The following CASS4 variants were observed in gnomAD, a reference collection of about 807,000 sequenced individuals.
CASS4 encodes cas scaffolding protein family member 4.
In CASS4, 22 loss-of-function variants were observed where a neutral mutation model predicts 54.2. The ratio of observed to expected loss-of-function variants is 0.41; its 90% CI spans 0.29 to 0.58. The LOEUF (loss-of-function observed/expected upper bound fraction) is 0.58. Among genes scored for constraint, CASS4 ranks in the 20% least tolerant of loss-of-function variants. The pLI is 0.36. For missense variants in CASS4, 854 were observed against 986.7 expected, an observed-to-expected ratio of 0.87 and a Z score of 1.80; for synonymous variants, 409 against 391.5, an observed-to-expected ratio of 1.04 and a Z score of -0.53.
chr20:56,456,995 C>G (rs1367788403), intron 5 of CASS4, among the ~76,000 whole-genome samples: 1 of 152,150 alleles, frequency 6.6e-6, no homozygotes, highest in East Asian at 1.9e-4. Flanking sequence ...CTGCTTCATT[C>G]TTATACTCCC....
At position 56,460,277 on chromosome 20, in the gene CASS4, T is replaced by C. The variant is rs995172596; in HGVS notation, c.*1530T>C. 2.0e-5 allele frequency: 3 copies of C among 152,700 alleles called. No homozygotes were observed. In the East Asian group the frequency reaches 5.8e-4, roughly 30 times the overall value. The allele number at this position is 152,700 out of a possible 1,614,324, so 9.5% of individuals were successfully genotyped here. A position where few individuals can be genotyped will look rare whatever the true frequency, so the allele number is the denominator to read the frequency against. On this transcript the variant is annotated 3_prime_UTR_variant, in exon 6 of 6. Transcript: ENST00000679887. Reference sequence around the variant, plus strand: ...GTCTCAAATCTGTTACAATTTATATTGGTTGGTGCAAAAGTAATTGCGGTT... The same window carrying C: ...GTCTCAAATCTGTTACAATTTATATCGGTTGGTGCAAAAGTAATTGCGGTT...
In CASS4 at chr20:56,458,236, A is replaced by T. The variant is rs189737755; in HGVS notation, c.1954-104A>T. On this transcript the variant is annotated intron_variant, in intron 5 of 5. Coordinates refer to ENST00000679887, the MANE Select transcript of CASS4 (RefSeq NM_020356.4). ...TTCCCAAACCAAACCATGCTTTTTTAAAAAAAATAAAAAGTCTTGCAAATC... is the reference window on the plus strand; with the variant it reads ...TTCCCAAACCAAACCATGCTTTTTTTAAAAAAATAAAAAGTCTTGCAAATC... 1.6e-3 allele frequency: 1,771 copies of T among 1,138,012 alleles called. 1 individual carries two copies. Among genetic ancestry groups the T allele is most frequent in the Admixed American group, 2.3e-3 (93 of 40,042 alleles). 70.5% of individuals were successfully genotyped at this position (1,138,012 alleles called of 1,614,324 possible). A position where few individuals can be genotyped will look rare whatever the true frequency, so the allele number is the denominator to read the frequency against.
In CASS4 at chr20:56,458,953, G is replaced by A. The variant is rs1834852755; in HGVS notation, c.*206G>A. The A allele has an allele frequency of 6.6e-5, 38 of 573,110 alleles. 1 individual carries two copies. The South Asian group carries it at 8.2e-4, about 12-fold the overall frequency. The allele number at this position is 573,110 out of a possible 1,614,324, so 35.5% of individuals were successfully genotyped here. On this transcript the variant is annotated 3_prime_UTR_variant, in exon 6 of 6. Transcript: ENST00000679887. ...GGGGTCAGGAAAGAGAGTCAGGTAT[G>A]AGGTAAAGACCTTGTGAAGTTTAGC...
chr20:56,418,310 C>T (rs531568277), intron 1 of CASS4, among the ~76,000 whole-genome samples: 1 of 152,214 alleles, frequency 6.6e-6, no homozygotes, highest in East Asian at 1.9e-4. Context: ...TAGTACAGGG[C>T]CCCTGTAAAG....
chr20:56,437,156 A>C lies in CASS4; in HGVS notation c.37-8A>C. On this transcript the variant is annotated splice_polypyrimidine_tract_variant and splice_region_variant and intron_variant, in intron 1 of 5. Coordinates refer to ENST00000679887, the MANE Select transcript of CASS4 (RefSeq NM_020356.4). The surrounding 1 kb of genome is among the most constrained non-coding windows in gnomAD (Gnocchi z 4.7). ...CTGCAAATTCTCTTCTCCCCTCTCC[A>C]CCCACAGGCACTCCTGGCCAGGGCA... 1 of 1,529,808 alleles carries C rather than the reference A, an allele frequency of 6.5e-7. No homozygotes were observed. Among genetic ancestry groups the C allele is most frequent in the Non-Finnish European group, 8.8e-7 (1 of 1,136,414 alleles). 94.8% of individuals were successfully genotyped at this position (1,529,808 alleles called of 1,614,324 possible). A position where few individuals can be genotyped will look rare whatever the true frequency, so the allele number is the denominator to read the frequency against.
intron 2 of CASS4, among the ~76,000 whole-genome samples, chr20:56,441,719 G>A (rs992933389): frequency 6.6e-6 from 1 of 152,140 alleles, no homozygotes; most frequent in African/African-American, 2.4e-5. Flanking sequence ...GGCTTCTGGG[G>A]CAGCCAATGT....
chr20:56,442,082 C>T (rs1244762783), intron 2 of CASS4, among the ~76,000 whole-genome samples: 2 of 149,120 alleles, frequency 1.3e-5, no homozygotes, highest in Admixed American at 6.6e-5. Context: ...ACTGTTTTCC[C>T]ATGGCAAATT....
In CASS4 at chr20:56,452,343, T is replaced by C. The variant is rs753845628; in HGVS notation, c.1167T>C (p.Thr389=). ...HNSSWFSRRT[T]SPSPEPDRLS... ...CCTCATGGTTCTCCAGACGGACAACTTCCCCATCTCCTGAACCGGACAGAT... is the reference window on the plus strand; with the variant it reads ...CCTCATGGTTCTCCAGACGGACAACCTCCCCATCTCCTGAACCGGACAGAT... Residue 389 remains threonine, a synonymous_variant, in exon 5 of 6, where the codon ACT becomes ACC. Coordinates refer to ENST00000679887, the MANE Select transcript of CASS4 (RefSeq NM_020356.4). The C allele has an allele frequency of 1.9e-6, 3 of 1,613,814 alleles. No individual in the cohort carries two copies. The highest frequency in any genetic ancestry group is 2.5e-6 in the Non-Finnish European group (3 of 1,180,034).
intron 1 of CASS4, among the ~76,000 whole-genome samples, chr20:56,419,108 A>G (rs1407046318): frequency 6.6e-6 from 1 of 152,154 alleles, no homozygotes; most frequent in Non-Finnish European, 1.5e-5. Flanking sequence ...AAGCAACTGT[A>G]GAATCAAAAC....
chr20:56,436,387 T>C (rs1261980234), intron 1 of CASS4, among the ~76,000 whole-genome samples: 1 of 148,812 alleles, frequency 6.7e-6, no homozygotes, highest in African/African-American at 2.5e-5. Flanking sequence ...TATATATATA[T>C]ATAGGATATA....
intron 2 of CASS4, among the ~76,000 whole-genome samples, chr20:56,445,315 T>G (rs1194550927): frequency 1.3e-5 from 2 of 152,132 alleles, no homozygotes; most frequent in African/African-American, 4.8e-5. Context: ...AGCTGCCAGC[T>G]GCAGCTCAAC....
intron 1 of CASS4, among the ~76,000 whole-genome samples, chr20:56,418,135 C>G (rs1158041147): frequency 6.6e-6 from 1 of 152,018 alleles, no homozygotes; most frequent in South Asian, 2.1e-4. Context: ...GTAAATAGAC[C>G]CATGGTTTCA....
chr20:56,453,201 TG>T, intron 5 of CASS4, 72 bp downstream of exon 5: 1 of 1,099,318 alleles, frequency 9.1e-7, no homozygotes, highest in Non-Finnish European at 1.3e-6. Context: ...ACTAAGATGC[TG>T]AGACTCTTTC....
intron 1 of CASS4, among the ~76,000 whole-genome samples, chr20:56,431,627 A>G (rs1443520216): frequency 2.0e-5 from 3 of 152,214 alleles, no homozygotes; most frequent in East Asian, 1.9e-4. Context: ...GTGAGTGCCC[A>G]GTGGGGTGGA....
chr20:56,455,837 A>T (rs781757632), intron 5 of CASS4, among the ~76,000 whole-genome samples: 10 of 152,168 alleles, frequency 6.6e-5, no homozygotes, highest in Non-Finnish European at 1.3e-4. Context: ...AGGCTGAGGC[A>T]GGAGAATTGC....
Position 56,460,139 on chromosome 20 carries a change from T to C in CASS4, c.*1392T>C, listed in dbSNP as rs6099156. 60,790 of 152,292 alleles carry C rather than the reference T, an allele frequency of 0.4. 13,161 individuals are homozygous for C. Among genetic ancestry groups the C allele is most frequent in the East Asian group, 0.94 (4,818 of 5,152 alleles). 9.4% of individuals were successfully genotyped at this position (152,292 alleles called of 1,614,324 possible). A position where few individuals can be genotyped will look rare whatever the true frequency, so the allele number is the denominator to read the frequency against. ...TTGCTATGTTACTTTAACCTAAAGATAGATGTTATATTTACAACATAACAT... is the reference window on the plus strand; with the variant it reads ...TTGCTATGTTACTTTAACCTAAAGACAGATGTTATATTTACAACATAACAT... On this transcript the variant is annotated 3_prime_UTR_variant, in exon 6 of 6. Coordinates refer to ENST00000679887, the MANE Select transcript of CASS4 (RefSeq NM_020356.4).
intron 2 of CASS4, among the ~76,000 whole-genome samples, chr20:56,442,154 A>G (rs2146286147): frequency 6.6e-6 from 1 of 151,918 alleles, no homozygotes; most frequent in Non-Finnish European, 1.5e-5. Flanking sequence ...ATCTGTGTTG[A>G]CAGTCTGCAG....
At chr20:56,448,350 A>C (rs1160922898) in intron 3 of CASS4, among the ~76,000 whole-genome samples, 1 of 152,004 alleles carries the variant, frequency 6.6e-6, no homozygotes, top group Non-Finnish European at 1.5e-5. Flanking sequence ...TGCCCTCTTA[A>C]TGTTGTGCCC....
rs376422994 is a variant in CASS4 at position 56,414,066 on chromosome 20, G to A, written c.36+1572G>A. ...GAACAAGGACATTCATCTACAGAAC[G>A]TAGAAGAATATCTACATATCATCAT... On this transcript the variant is annotated intron_variant, in intron 1 of 5. Coordinates refer to ENST00000679887, the MANE Select transcript of CASS4 (RefSeq NM_020356.4). The surrounding 1 kb of genome is among the most constrained non-coding windows in gnomAD (Gnocchi z 4.1). Among the ~76,000 whole-genome samples, 5 of 152,170 alleles carry A rather than the reference G, an allele frequency of 3.3e-5. No homozygotes were observed. The highest frequency in any genetic ancestry group is 1.9e-4 in the East Asian group (1 of 5,206).
Sources: allele counts gnomAD v4.1 joint callset (sites outside exome capture counted in the v4.1 genomes callset), GRCh38; gene constraint gnomAD v4.1.1; non-coding constraint Gnocchi (gnomAD v3.1); transcripts MANE v1.5; gene names NCBI Gene and HGNC (gene_info 2026-07-23, HGNC 2026-07-21).